GLRA3: variants seen among roughly 807,000 people sequenced by gnomAD.
The protein encoded by GLRA3 is glycine receptor alpha 3.
A neutral mutation model predicts 60.4 loss-of-function variants in GLRA3; 44 were observed. That is an observed-to-expected ratio of 0.73 (90% CI 0.57 to 0.94). GLRA3 has a LOEUF of 0.94. Ranked by LOEUF, GLRA3 falls within the 40% of genes least tolerant of loss-of-function variation. The pLI is 0.00. For synonymous variants in GLRA3, 223 were observed against 192.9 expected (o/e 1.16, Z -1.29); for missense variants, 508 against 564.6 (o/e 0.90, Z 1.02).
chr4:174,825,784 C>G (rs1392656024), intron 1 of GLRA3, among the ~76,000 whole-genome samples: 4 of 151,756 alleles, frequency 2.6e-5, no homozygotes, highest in African/African-American at 9.7e-5. Context: ...GCTGCTTTTG[C>G]CTTAATAATG....
rs1313852131 is a variant in GLRA3 at position 174,642,894 on chromosome 4, A to C, written c.*892T>G. On this transcript the variant is annotated 3_prime_UTR_variant, in exon 10 of 10. Coordinates refer to ENST00000274093, the MANE Select transcript of GLRA3 (RefSeq NM_006529.4). ...CCATTGAATTTTAAAGTCACATTCT[A>C]AACTAAAATATAAAAGTCTTACTGA... 2 of 727,100 alleles carry C rather than the reference A, an allele frequency of 2.8e-6. No homozygotes were observed. The highest frequency in any genetic ancestry group is 3.9e-5 in the African/African-American group (2 of 51,810). 45.0% of individuals were successfully genotyped at this position (727,100 alleles called of 1,614,324 possible).
Position 174,643,771 on chromosome 4 carries a change from C to T in GLRA3, c.*15G>A, listed in dbSNP as rs1732700772. The T allele has an allele frequency of 5.0e-6, 8 of 1,604,858 alleles. No homozygotes were observed. The highest frequency in any genetic ancestry group is 6.8e-6 in the Non-Finnish European group (8 of 1,174,422). On this transcript the variant is annotated 3_prime_UTR_variant, in exon 10 of 10. Transcript: ENST00000274093. Reference sequence around the variant, plus strand: ...CTTCTGAATTGACCATTTGCATTTGCATGCCCCCAGAGACTTAATCTTGCT... The same window carrying T: ...CTTCTGAATTGACCATTTGCATTTGTATGCCCCCAGAGACTTAATCTTGCT...
At chr4:174,724,340 G>A (rs1736239271) in intron 4 of GLRA3, among the ~76,000 whole-genome samples, 1 of 151,890 alleles carries the variant, frequency 6.6e-6, no homozygotes, top group Non-Finnish European at 1.5e-5. Context: ...CTGAATTGAA[G>A]GATAAATGAG....
At chr4:174,788,725 G>T in intron 2 of GLRA3, 91 bp downstream of exon 2, 2 of 782,374 alleles carry the variant, frequency 2.6e-6, no homozygotes, top group Non-Finnish European at 3.8e-6. Context: ...TTGAAAATAA[G>T]CATTAGAATT....
intron 1 of GLRA3, among the ~76,000 whole-genome samples, chr4:174,801,165 A>G (rs777300877): frequency 6.6e-6 from 1 of 152,036 alleles, no homozygotes; most frequent in Non-Finnish European, 1.5e-5. Context: ...GTTGAGCAAC[A>G]TCTGTATTTA....
chr4:174,754,511 G>A (rs557922681), intron 3 of GLRA3, among the ~76,000 whole-genome samples: 7 of 152,222 alleles, frequency 4.6e-5, no homozygotes, highest in African/African-American at 1.7e-4. Context: ...CAAAAGAACT[G>A]AAATAGCATC....
At chr4:174,733,422 G>A (rs1262404131) in intron 3 of GLRA3, among the ~76,000 whole-genome samples, 3 of 152,126 alleles carry the variant, frequency 2.0e-5, no homozygotes, top group Non-Finnish European at 2.9e-5. Context: ...TGGCTGTGAA[G>A]AGACTACCTC....
intron 1 of GLRA3, among the ~76,000 whole-genome samples, chr4:174,826,109 T>A (rs1195873772): frequency 6.6e-6 from 1 of 152,128 alleles, no homozygotes; most frequent in East Asian, 1.9e-4. Flanking sequence ...CCAAAATGAA[T>A]ACATGTATTC....
intron 4 of GLRA3, among the ~76,000 whole-genome samples, chr4:174,716,498 T>C (rs1338933902): frequency 1.3e-5 from 2 of 152,158 alleles, no homozygotes; most frequent in Non-Finnish European, 2.9e-5. Context: ...GAAGAGATGG[T>C]GAGATCCACT....
intron 1 of GLRA3, among the ~76,000 whole-genome samples, chr4:174,790,091 T>C (rs946554050): frequency 5.9e-5 from 9 of 152,206 alleles, no homozygotes; most frequent in African/African-American, 1.7e-4. Context: ...TTGGTGATAA[T>C]ATGAGAATGA....
chr4:174,791,730 G>A (rs1739353846), intron 1 of GLRA3, among the ~76,000 whole-genome samples: 1 of 152,108 alleles, frequency 6.6e-6, no homozygotes, highest in African/African-American at 2.4e-5. Context: ...CATTTTTCCT[G>A]TGTTTGGTCC....
intron 7 of GLRA3, among the ~76,000 whole-genome samples, chr4:174,661,799 A>T (rs1295329345): frequency 6.6e-6 from 1 of 152,188 alleles, no homozygotes; most frequent in African/African-American, 2.4e-5. Flanking sequence ...GTCACCTCAA[A>T]GGTAGAAAAG....
intron 1 of GLRA3, among the ~76,000 whole-genome samples, chr4:174,812,749 C>A (rs538404232): frequency 2.0e-5 from 3 of 152,130 alleles, no homozygotes; most frequent in Non-Finnish European, 4.4e-5. Context: ...TAACATTATT[C>A]TTAAGACTAA....
intron 5 of GLRA3, among the ~76,000 whole-genome samples, chr4:174,697,962 T>G (rs1315737947): frequency 6.6e-6 from 1 of 152,148 alleles, no homozygotes; most frequent in East Asian, 1.9e-4. Context: ...ACTACCTTTT[T>G]GGAATAAACT....
chr4:174,668,027 CAG>C (rs1198337489), intron 7 of GLRA3, among the ~76,000 whole-genome samples: 7 of 152,046 alleles, frequency 4.6e-5, no homozygotes, highest in African/African-American at 1.7e-4. Context: ...TGTCTTGTGA[CAG>C]AGTTCTCGTG....
chr4:174,757,977 C>T (rs930116912), intron 3 of GLRA3, among the ~76,000 whole-genome samples: 2 of 150,702 alleles, frequency 1.3e-5, no homozygotes, highest in Non-Finnish European at 3.0e-5. Flanking sequence ...TATAAGTTCC[C>T]GCAAGAACTG....
In GLRA3 at chr4:174,642,512, T is replaced by C. The variant is rs1000634579; in HGVS notation, c.*1274A>G. 1 of 975,242 alleles carries C rather than the reference T, an allele frequency of 1.0e-6. No individual in the cohort carries two copies. Among genetic ancestry groups the C allele is most frequent in the Non-Finnish European group, 1.2e-6 (1 of 820,882 alleles). 60.4% of individuals were successfully genotyped at this position (975,242 alleles called of 1,614,324 possible). ...CTGGTTCTGTTTACCAAGAACTCTA[T>C]CATACATTTGCACCCAATTACACTG... On this transcript the variant is annotated 3_prime_UTR_variant, in exon 10 of 10. Coordinates refer to ENST00000274093, the MANE Select transcript of GLRA3 (RefSeq NM_006529.4).
chr4:174,734,034 G>A (rs1299765298), intron 3 of GLRA3, among the ~76,000 whole-genome samples: 12 of 150,406 alleles, frequency 8.0e-5, no homozygotes, highest in East Asian at 1.9e-4. Context: ...TTTTTTGGCC[G>A]GTAATTGGAG....
chr4:174,784,821 T>C (rs970406016), intron 2 of GLRA3, among the ~76,000 whole-genome samples: 2 of 152,136 alleles, frequency 1.3e-5, no homozygotes, highest in African/African-American at 4.8e-5. Context: ...TAATAGAAAT[T>C]TGAAGTAGTT....
Sources: gnomAD v4.1 joint callset for allele counts (sites outside exome capture counted in the v4.1 genomes callset) on GRCh38, gnomAD v4.1.1 for gene constraint, MANE v1.5 for transcripts, NCBI Gene and HGNC (gene_info 2026-07-23, HGNC 2026-07-21) for gene names.